The following RHBDD1 variants were observed in gnomAD, a reference collection of about 807,000 sequenced individuals.
RHBDD1 encodes the protein rhomboid domain containing 1.
Under a neutral mutation model 36.3 loss-of-function variants are expected in RHBDD1, and 38 were observed. That is an observed-to-expected ratio of 1.05 (90% CI 0.81 to 1.37). RHBDD1 has a LOEUF of 1.37. RHBDD1 is among the 40% of genes most tolerant of loss of function. The pLI is 0.00. For missense variants in RHBDD1, 393 were observed against 377.6 expected (o/e 1.04, Z -0.34); for synonymous variants, 151 against 136.5 (o/e 1.11, Z -0.74).
At chr2:226,849,060 A>G (rs984683972) in intron 3 of RHBDD1, among the ~76,000 whole-genome samples, 2 of 152,198 alleles carry the variant, frequency 1.3e-5, no homozygotes, top group Non-Finnish European at 1.5e-5. Context: ...TGATTACTGT[A>G]TGCCTGGCAT....
chr2:226,911,845 G>C (rs1162928302), intron 7 of RHBDD1, among the ~76,000 whole-genome samples: 2 of 152,120 alleles, frequency 1.3e-5, no homozygotes, highest in African/African-American at 4.8e-5. Flanking sequence ...ACAGGTGAGA[G>C]AAAATATGAA....
chr2:226,828,470 G>A, the RHBDD1 span, among the ~76,000 whole-genome samples: 2 of 152,182 alleles, frequency 1.3e-5, no homozygotes, highest in South Asian at 2.1e-4. Flanking sequence ...GTAAGTGTAT[G>A]TTTAACTTTC....
the RHBDD1 span, among the ~76,000 whole-genome samples, chr2:226,827,769 C>G: frequency 2.6e-5 from 4 of 152,090 alleles, no homozygotes; most frequent in African/African-American, 9.7e-5. Context: ...GGTTTCTTTA[C>G]AAGGCTAGAA....
intron 8 of RHBDD1, among the ~76,000 whole-genome samples, chr2:226,917,999 A>G (rs1949033204): frequency 1.3e-5 from 2 of 152,100 alleles, no homozygotes; most frequent in African/African-American, 2.4e-5. Flanking sequence ...TTGACAAAGA[A>G]TTAATATAAT....
At chr2:226,852,975 T>C (rs6753847) in intron 3 of RHBDD1, among the ~76,000 whole-genome samples, 34,391 of 149,566 alleles carry the variant, frequency 0.23, 7,263 homozygotes, top group African/African-American at 0.56. Context: ...TGCTATGTTT[T>C]CCAGGCTGGT....
At chr2:226,808,028 G>T in the RHBDD1 span, among the ~76,000 whole-genome samples, 1 of 151,936 alleles carries the variant, frequency 6.6e-6, no homozygotes, top group African/African-American at 2.4e-5. Context: ...AAAAAAAAGA[G>T]ACACTCTGGA....
Position 226,954,674 on chromosome 2 carries a change from A to G in RHBDD1, c.856+40323A>G, listed in dbSNP as rs555470590. Among the ~76,000 whole-genome samples, 4 of 152,182 alleles carry G rather than the reference A, an allele frequency of 2.6e-5. No individual in the cohort carries two copies. The South Asian group carries it at 8.3e-4, about 32-fold the overall frequency. On this transcript the variant is annotated intron_variant, in intron 8 of 8. Coordinates refer to ENST00000392062, the MANE Select transcript of RHBDD1 (RefSeq NM_001167608.3). The stretch of plus-strand genomic sequence containing the variant: ...GATGCACAGAGGGATAAATAGGCAG[A>G]TGGATTGATAAAGGTAGTTAAATTT...
the RHBDD1 span, among the ~76,000 whole-genome samples, chr2:226,812,647 C>CTCTCTCTTTTT: frequency 6.0e-5 from 9 of 150,398 alleles, no homozygotes; most frequent in African/African-American, 1.9e-4. Flanking sequence ...CTCTCTCTCT[C>CTCTCTCTTTTT]TTTTTTTTTG....
chr2:226,962,743 T>A (rs1468639898), intron 8 of RHBDD1, among the ~76,000 whole-genome samples: 1 of 152,218 alleles, frequency 6.6e-6, no homozygotes, highest in African/African-American at 2.4e-5. Context: ...TACCATATGC[T>A]TTCTTACATG....
rs118054156 is a variant in RHBDD1, at chr2:226,847,821, G to T, written c.-91+8194G>T. 1.7e-3 allele frequency among the ~76,000 whole-genome samples: 264 copies of T among 152,280 alleles called. 4 individuals carry two copies. The East Asian group carries it at 0.043, about 25-fold the overall frequency. ...CCTTTATACTAGAAATTCTTAAAAG[G>T]TAGAAAAGCAGTTTTCGCCTCTCTG... On this transcript the variant is annotated intron_variant, in intron 3 of 8. Coordinates refer to ENST00000392062, the MANE Select transcript of RHBDD1 (RefSeq NM_001167608.3).
chr2:226,952,406 T>C (rs1951490807), intron 8 of RHBDD1, among the ~76,000 whole-genome samples: 1 of 147,448 alleles, frequency 6.8e-6, no homozygotes, highest in Admixed American at 6.8e-5. Context: ...CAAGTGATTC[T>C]CATGCCTCAG....
intron 5 of RHBDD1, 31 bp downstream of exon 5, chr2:226,867,349 A>G (rs1374732177): frequency 6.3e-7 from 1 of 1,595,462 alleles, no homozygotes; most frequent in Admixed American, 1.8e-5. Flanking sequence ...AATACAGTTG[A>G]AGGACCTGAT....
chr2:226,984,311 A>G (rs1956447930), intron 8 of RHBDD1, among the ~76,000 whole-genome samples: 1 of 152,242 alleles, frequency 6.6e-6, no homozygotes, highest in Admixed American at 6.5e-5. Context: ...TCTGGAGGCT[A>G]GAAGTTCCAG....
At chr2:226,838,617 A>G (rs751163072) in intron 2 of RHBDD1, among the ~76,000 whole-genome samples, 2 of 152,194 alleles carry the variant, frequency 1.3e-5, no homozygotes, top group Non-Finnish European at 2.9e-5. Context: ...GTGTCGGACA[A>G]AGGGAAAAAA....
At chr2:226,947,584 A>G (rs897295695) in intron 8 of RHBDD1, among the ~76,000 whole-genome samples, 8 of 152,136 alleles carry the variant, frequency 5.3e-5, no homozygotes, top group South Asian at 2.1e-4. Flanking sequence ...TTGGCGATGC[A>G]GGCTCTTTTT....
chr2:226,873,386 G>C (rs1944947895), intron 5 of RHBDD1, among the ~76,000 whole-genome samples: 1 of 152,180 alleles, frequency 6.6e-6, no homozygotes, highest in African/African-American at 2.4e-5. Flanking sequence ...GGGGGAGTTA[G>C]AGTGGAAAGA....
At chr2:226,974,036 A>G (rs1239827914) in intron 8 of RHBDD1, among the ~76,000 whole-genome samples, 1 of 151,864 alleles carries the variant, frequency 6.6e-6, no homozygotes, top group Non-Finnish European at 1.5e-5. Context: ...TTGCCTCCTT[A>G]CCCAGTTTGT....
At chr2:226,974,324 A>G (rs1309554528) in intron 8 of RHBDD1, among the ~76,000 whole-genome samples, 1 of 147,788 alleles carries the variant, frequency 6.8e-6, no homozygotes, top group Non-Finnish European at 1.5e-5. Flanking sequence ...TGCAAGCTCC[A>G]CCCCCTGGGT....
intron 5 of RHBDD1, among the ~76,000 whole-genome samples, chr2:226,880,551 T>G (rs189239406): frequency 1.3e-5 from 2 of 152,158 alleles, no homozygotes; most frequent in African/African-American, 4.8e-5. Context: ...TGGAACTCTT[T>G]GAGGGAACGG....
Sources: allele counts gnomAD v4.1 joint callset (sites outside exome capture counted in the v4.1 genomes callset), GRCh38; gene constraint gnomAD v4.1.1; transcripts MANE v1.5; gene names NCBI Gene and HGNC (gene_info 2026-07-23, HGNC 2026-07-21).